AFF1: variants seen among roughly 807,000 people sequenced by gnomAD.
The protein encoded by AFF1 is AF4/FMR2 family member 1.
Under a neutral mutation model 121.7 loss-of-function variants are expected in AFF1, and 48 were observed. That is an observed-to-expected ratio of 0.39 (90% CI 0.31 to 0.50). The LOEUF is 0.50. Among genes scored for constraint, AFF1 ranks in the 20% least tolerant of loss-of-function variants. The pLI is 0.76. For missense variants in AFF1, 1,523 were observed against 1,511.7 expected, an observed-to-expected ratio of 1.01 and a Z score of -0.12; for synonymous variants, 613 against 563.0, an observed-to-expected ratio of 1.09 and a Z score of -1.26.
rs188677849 is a variant in AFF1 at position 86,968,534 on chromosome 4, A to G, written c.38+19963A>G. ...CTGTGCCCTATTTTTATGCTGGGCA[A>G]GGACCTCAAGAACAAAACTCCTGTG... On this transcript the variant is annotated intron_variant, in intron 2 of 20. Transcript: ENST00000395146. Among the ~76,000 whole-genome samples the G allele has an allele frequency of 3.3e-4, 51 of 152,336 alleles. No individual in the cohort carries two copies. The South Asian group carries it at 5.8e-3, about 17-fold the overall frequency.
rs1721725732 is a variant in AFF1 at position 86,956,196 on chromosome 4, C to T, written c.38+7625C>T. On this transcript the variant is annotated intron_variant, in intron 2 of 20. Transcript: ENST00000395146. ...GCAATAATATTTCTTATACAAAACACCTTGTTTTCCCTCATTTTAGAAAAT... is the reference window on the plus strand; with the variant it reads ...GCAATAATATTTCTTATACAAAACATCTTGTTTTCCCTCATTTTAGAAAAT... Among the ~76,000 whole-genome samples, 2 of 152,154 alleles carry T rather than the reference C, an allele frequency of 1.3e-5. 1 individual carries two copies. Among genetic ancestry groups the T allele is most frequent in the South Asian group, 4.1e-4 (2 of 4,830 alleles).
chr4:87,065,159 T>A (rs1721211292), intron 4 of AFF1, among the ~76,000 whole-genome samples: 1 of 152,212 alleles, frequency 6.6e-6, no homozygotes, highest in Admixed American at 6.5e-5. Context: ...AGGAAAGAGG[T>A]TTAGTGGAGA....
chr4:87,131,333 A>T (rs1012228222), intron 17 of AFF1, 114 bp downstream of exon 17: 87 of 1,383,422 alleles, frequency 6.3e-5, no homozygotes, highest in Non-Finnish European at 8.9e-6. Context: ...GAGCCTTAAA[A>T]AAGTTATTGG....
chr4:87,028,630 C>T (rs753892822), intron 2 of AFF1, among the ~76,000 whole-genome samples: 2 of 152,098 alleles, frequency 1.3e-5, no homozygotes, highest in African/African-American at 4.8e-5. Context: ...GATTAAGGTA[C>T]GTTTTTCTTC....
At chr4:87,081,928 G>A (rs544018292) in intron 4 of AFF1, among the ~76,000 whole-genome samples, 10 of 151,984 alleles carry the variant, frequency 6.6e-5, no homozygotes, top group African/African-American at 2.4e-4. Flanking sequence ...AAAACATTTC[G>A]GCGACATGAA....
chr4:87,021,108 C>G (rs898248050), intron 2 of AFF1, among the ~76,000 whole-genome samples: 2 of 152,180 alleles, frequency 1.3e-5, no homozygotes, highest in African/African-American at 4.8e-5. Context: ...CTTTACCCTT[C>G]TGAGGTGCAC....
chr4:86,949,916 C>G, intron 2 of AFF1: 1 of 1,613,924 alleles, frequency 6.2e-7, no homozygotes, highest in Non-Finnish European at 8.5e-7. Context: ...TGGGATCTTC[C>G]GCGTCTTGGA....
chr4:86,936,264 T>C (rs1719984909), intron 1 of AFF1: 10 of 152,292 alleles, frequency 6.6e-5, no homozygotes, highest in Admixed American at 6.5e-4. Flanking sequence ...TGGTGCACGT[T>C]GCGGGGTGTG....
At chr4:87,022,652 GTA>G (rs1213301835) in intron 2 of AFF1, among the ~76,000 whole-genome samples, 49 of 98,852 alleles carry the variant, frequency 5.0e-4, no homozygotes, top group African/African-American at 1.2e-3. Context: ...ATATGTGTGT[GTA>G]TATATATGTG....
intron 2 of AFF1, among the ~76,000 whole-genome samples, chr4:87,009,101 A>C (rs1726465579): frequency 6.6e-6 from 1 of 152,266 alleles, no homozygotes; most frequent in African/African-American, 2.4e-5. Context: ...GATAAAAATA[A>C]AATGAGACAC....
intron 2 of AFF1, among the ~76,000 whole-genome samples, chr4:87,015,506 C>T (rs553104239): frequency 2.6e-5 from 4 of 152,280 alleles, no homozygotes; most frequent in Admixed American, 2.0e-4. Flanking sequence ...ATTCAAAGTG[C>T]CACTGGAACT....
rs57335156 is a variant in AFF1, at chr4:86,949,537, A to ATTAT, written c.38+968_38+969insATTT. Reference sequence around the variant, plus strand: ...CTATTTATTAATTATTATTATTATTATTTTTTTTTTTTTTTTTTTCCCGAC... The same window carrying ATTAT: ...CTATTTATTAATTATTATTATTATTATTATTTTTTTTTTTTTTTTTTTTCCCGAC... On this transcript the variant is annotated intron_variant, in intron 2 of 20. Transcript: ENST00000395146. 154 of 248,320 alleles carry ATTAT rather than the reference A, an allele frequency of 6.2e-4. 5 individuals carry two copies. Among genetic ancestry groups the ATTAT allele is most frequent in the Non-Finnish European group, 7.2e-4 (108 of 149,616 alleles). 15.4% of individuals were successfully genotyped at this position (248,320 alleles called of 1,614,324 possible).
intron 2 of AFF1, among the ~76,000 whole-genome samples, chr4:86,999,575 T>C (rs564824189): frequency 5.8e-4 from 89 of 152,308 alleles, no homozygotes; most frequent in African/African-American, 2.0e-3. Flanking sequence ...CTAGAACAAA[T>C]AGTCTTGGAG....
chr4:87,069,434 C>G (rs1377453218), intron 4 of AFF1, among the ~76,000 whole-genome samples: 1 of 149,218 alleles, frequency 6.7e-6, no homozygotes, highest in Non-Finnish European at 1.5e-5. Context: ...TCCCCTTCTC[C>G]CTCTCTCTCC....
At chr4:87,098,490 T>C (rs1475751425) in intron 8 of AFF1, among the ~76,000 whole-genome samples, 5 of 152,212 alleles carry the variant, frequency 3.3e-5, no homozygotes, top group African/African-American at 1.2e-4. Flanking sequence ...CTTCATATAA[T>C]TGTGGACAAT....
intron 1 of AFF1, among the ~76,000 whole-genome samples, chr4:86,943,525 T>C (rs115091319): frequency 0.015 from 2,218 of 152,322 alleles, 32 homozygotes; most frequent in Non-Finnish European, 0.023. Context: ...GGAAACTAGA[T>C]TGTGGTCCGG....
intron 1 of AFF1, among the ~76,000 whole-genome samples, chr4:86,941,487 C>T (rs959209609): frequency 1.1e-4 from 16 of 152,090 alleles, no homozygotes; most frequent in African/African-American, 3.1e-4. Flanking sequence ...GATGAAACCC[C>T]GTCTCTACTA....
chr4:86,963,166 CAAAAAA>C (rs11341612), intron 2 of AFF1, among the ~76,000 whole-genome samples: 819 of 63,346 alleles, frequency 0.013, 11 homozygotes, highest in African/African-American at 0.051. Context: ...ACTCCCATCT[CAAAAAA>C]AAAAAAAAAA....
intron 2 of AFF1, among the ~76,000 whole-genome samples, chr4:86,962,264 C>T (rs917481759): frequency 5.0e-4 from 75 of 150,836 alleles, no homozygotes; most frequent in Non-Finnish European, 9.6e-4. Flanking sequence ...CCTGGAGAGG[C>T]AGCCTAATTA....
Sources: gnomAD v4.1 joint callset for allele counts (sites outside exome capture counted in the v4.1 genomes callset) on GRCh38, gnomAD v4.1.1 for gene constraint, MANE v1.5 for transcripts, NCBI Gene and HGNC (gene_info 2026-07-23, HGNC 2026-07-21) for gene names.